Variants in CACYBP observed in about 807,000 individuals in gnomAD.
CACYBP encodes calcyclin binding protein.
Under a neutral mutation model 29.6 loss-of-function variants are expected in CACYBP, and 11 were observed. That is an observed-to-expected ratio of 0.37 (90% CI 0.23 to 0.61). The LOEUF (loss-of-function observed/expected upper bound fraction) is 0.61, where lower values mean the gene tolerates loss of function less well. CACYBP is among the 20% of genes least tolerant of loss of function. CACYBP has a pLI of 0.65. For missense variants in CACYBP, 163 were observed against 260.7 expected, an observed-to-expected ratio of 0.63 and a Z score of 2.58; for synonymous variants, 73 against 88.3, an observed-to-expected ratio of 0.83 and a Z score of 0.97.
chr1:175,000,781 G>A (rs934960674), intron 1 of CACYBP, among the ~76,000 whole-genome samples: 2 of 152,230 alleles, frequency 1.3e-5, no homozygotes, highest in African/African-American at 4.8e-5. Context: ...GCAATCTGCT[G>A]TATGTGATTT....
chr1:175,006,988 C>T, intron 3 of CACYBP, 110 bp from the exon 4 acceptor site: 2 of 859,580 alleles, frequency 2.3e-6, no homozygotes. Flanking sequence ...CGTTAACTGG[C>T]CAAATGCACA....
At chr1:175,000,933 G>A (rs1445564880) in intron 1 of CACYBP, among the ~76,000 whole-genome samples, 1 of 152,186 alleles carries the variant, frequency 6.6e-6, no homozygotes, top group Non-Finnish European at 1.5e-5. Flanking sequence ...GGGAATGATA[G>A]TACTTGTATT....
rs912813573 is a variant in CACYBP at position 175,010,941 on chromosome 1, C to CAGTT, written c.*865_*868dup. The CAGTT allele has an allele frequency of 1.3e-5, 2 of 151,898 alleles. No homozygotes were observed. The highest frequency in any genetic ancestry group is 2.4e-5 in the African/African-American group (1 of 41,336). The allele number at this position is 151,898 out of a possible 1,614,324, so 9.4% of individuals were successfully genotyped here. The stretch of plus-strand genomic sequence containing the variant: ...ATTTTCCTGGAGGTATTAGCCAACA[C>CAGTT]AGTTAGATCAGAGAAAGCAATTGAA... On this transcript the variant is annotated 3_prime_UTR_variant, in exon 6 of 6. Coordinates refer to ENST00000367679, the MANE Select transcript of CACYBP (RefSeq NM_014412.3).
chr1:175,001,726 C>A (rs985591285), intron 1 of CACYBP, among the ~76,000 whole-genome samples: 1 of 152,172 alleles, frequency 6.6e-6, no homozygotes, highest in Admixed American at 6.5e-5. Context: ...ATCCTTTCAT[C>A]CGTTTATGGA....
intron 4 of CACYBP, 67 bp from the exon 5 acceptor site, chr1:175,008,542 T>C: frequency 1.2e-6 from 1 of 806,172 alleles, no homozygotes; most frequent in Admixed American, 2.0e-5. Flanking sequence ...TAGATAATTG[T>C]TTTATAAATA....
chr1:175,007,250 T>C (rs1672642855), intron 4 of CACYBP, 53 bp downstream of exon 4: 2 of 1,090,678 alleles, frequency 1.8e-6, no homozygotes, highest in Admixed American at 3.7e-5. Context: ...AAATTGAACC[T>C]GGCTGATTTA....
rs1371051095 is a variant in CACYBP at position 174,999,983 on chromosome 1, G to A, written c.-198G>A. 4.2e-6 allele frequency: 3 copies of A among 707,900 alleles called. No individual in the cohort carries two copies. Among genetic ancestry groups the A allele is most frequent in the African/African-American group, 1.9e-5 (1 of 52,536 alleles). 43.9% of individuals were successfully genotyped at this position (707,900 alleles called of 1,614,324 possible). ...CGTGCTCGCGGTGGGCGGTGGCGGC[G>A]GCTGCCTCGCGAAGGTTCGAGATCC... On this transcript the variant is annotated 5_prime_UTR_variant, in exon 1 of 6. Coordinates refer to ENST00000367679, the MANE Select transcript of CACYBP (RefSeq NM_014412.3).
intron 5 of CACYBP, 179 bp downstream of exon 5, chr1:175,008,885 G>A (rs1672681159): frequency 1.8e-6 from 1 of 568,428 alleles, no homozygotes. Flanking sequence ...TCTTTAGTGT[G>A]GTTCTTAACC....
upstream of CACYBP, chr1:174,999,800 G>A: frequency 2.6e-6 from 1 of 381,942 alleles, no homozygotes; most frequent in Non-Finnish European, 4.8e-6. Flanking sequence ...CGGAGAGCAA[G>A]ACATTACTCT....
At chr1:175,008,865 A>C in intron 5 of CACYBP, 159 bp downstream of exon 5, 1 of 597,348 alleles carries the variant, frequency 1.7e-6, no homozygotes, top group Admixed American at 2.9e-5. Context: ...CTTTGTAGTT[A>C]AGGGTTGGCT....
rs541288507 is a variant in CACYBP, at chr1:175,002,444, T to A, written c.16-2170T>A. Among the ~76,000 whole-genome samples the A allele has an allele frequency of 3.3e-5, 5 of 152,344 alleles. No individual in the cohort carries two copies. In the South Asian group the frequency reaches 1.0e-3, roughly 32 times the overall value. ...TGTCTTTGGAGAAATGTGTGTTGAA[T>A]TCCTTTGCCCATTTTTGAGGCACAT... On this transcript the variant is annotated intron_variant, in intron 1 of 5. Coordinates refer to ENST00000367679, the MANE Select transcript of CACYBP (RefSeq NM_014412.3).
chr1:175,000,245 C>T, intron 1 of CACYBP, 50 bp downstream of exon 1: 1 of 1,565,336 alleles, frequency 6.4e-7, no homozygotes, highest in Non-Finnish European at 8.7e-7. Context: ...GGAGCTGCAG[C>T]GCCAGCCTCC....
At chr1:175,003,529 T>G (rs1672545275) in intron 1 of CACYBP, among the ~76,000 whole-genome samples, 1 of 152,268 alleles carries the variant, frequency 6.6e-6, no homozygotes, top group East Asian at 1.9e-4. Context: ...TTAGTTCTGT[T>G]ATTGCATTTT....
chr1:175,009,485 A>T (rs1253132639), intron 5 of CACYBP, among the ~76,000 whole-genome samples: 2 of 151,814 alleles, frequency 1.3e-5, no homozygotes, highest in Non-Finnish European at 2.9e-5. Context: ...GTCTCTACTA[A>T]AAATACAAAA....
rs768304595 is a variant in CACYBP at position 175,008,681 on chromosome 1, G to A, written c.505G>A (p.Val169Ile). ...CACAAGGTGGGATTACCTGACCCAG[G>A]TTGAAAAGGAGTGCAAAGAAAAAGA... is the stretch of plus-strand genomic sequence containing the variant. ...ENTRWDYLTQ[V>I]EKECKEKEKP... Residue 169 changes from valine to isoleucine, a missense_variant, in exon 5 of 6, where the codon GTT becomes ATT. Transcript: ENST00000367679. 4 of 1,578,714 alleles carry A rather than the reference G, an allele frequency of 2.5e-6. 1 individual carries two copies. Among genetic ancestry groups the A allele is most frequent in the African/African-American group, 1.3e-5 (1 of 74,346 alleles).
rs781653545 is a variant in CACYBP at position 175,000,142 on chromosome 1, C to T, written c.-39C>T. 1 of 1,595,244 alleles carries T rather than the reference C, an allele frequency of 6.3e-7. No homozygotes were observed. The highest frequency in any genetic ancestry group is 8.5e-7 in the Non-Finnish European group (1 of 1,170,690). ...GCGGGGTTTCCTGTTCCTCCTTCTG[C>T]GCGGCTGCAGCTCGGGACTTCGGCC... On this transcript the variant is annotated 5_prime_UTR_variant, in exon 1 of 6. Coordinates refer to ENST00000367679, the MANE Select transcript of CACYBP (RefSeq NM_014412.3).
At chr1:175,005,659 G>A (rs1347101090) in intron 2 of CACYBP, among the ~76,000 whole-genome samples, 3 of 152,102 alleles carry the variant, frequency 2.0e-5, no homozygotes, top group Non-Finnish European at 4.4e-5. Context: ...TGTGTATGTC[G>A]TGCTTAAGAG....
chr1:175,007,036 C>T, intron 3 of CACYBP, 62 bp from the exon 4 acceptor site: 1 of 1,202,054 alleles, frequency 8.3e-7, no homozygotes, highest in Non-Finnish European at 1.2e-6. Flanking sequence ...CCCACAAGAA[C>T]TATGGAGTAA....
In CACYBP at chr1:175,004,634, G is replaced by A; in HGVS notation, c.36G>A (p.Glu12=). The A allele has an allele frequency of 6.2e-7, 1 of 1,607,110 alleles. No individual in the cohort carries two copies. Residue 12 remains glutamate, a synonymous_variant, in exon 2 of 6, where the codon GAG becomes GAA. Coordinates refer to ENST00000367679, the MANE Select transcript of CACYBP (RefSeq NM_014412.3). ...CACAGCTACAGAAAGATCTAGAAGAGGTAAAGGTGTTGCTGGAAAAGGCTA... is the reference window on the plus strand; with the variant it reads ...CACAGCTACAGAAAGATCTAGAAGAAGTAAAGGTGTTGCTGGAAAAGGCTA... The part of the protein sequence containing the change: ...ASEELQKDLE[E]VKVLLEKATR...
Sources: gnomAD v4.1 joint callset for allele counts (sites outside exome capture counted in the v4.1 genomes callset) on GRCh38, gnomAD v4.1.1 for gene constraint, MANE v1.5 for transcripts, NCBI Gene and HGNC (gene_info 2026-07-23, HGNC 2026-07-21) for gene names.